Variants in DCDC2C observed in about 807,000 individuals in gnomAD.
DCDC2C encodes the protein doublecortin domain-containing protein 2C.
Under a neutral mutation model 45.0 loss-of-function variants are expected in DCDC2C, and 44 were observed. That is an observed-to-expected ratio of 0.98 (90% confidence interval 0.77 to 1.26). DCDC2C has a LOEUF of 1.26. Ranked by LOEUF, DCDC2C falls within the 50% of genes most tolerant of loss-of-function variation. The pLI is 0.00. For synonymous variants in DCDC2C, 187 were observed against 178.8 expected, an observed-to-expected ratio of 1.05 and a Z score of -0.37; for missense variants, 447 against 468.9, an observed-to-expected ratio of 0.95 and a Z score of 0.43.
At chr2:3,759,791 G>T (rs150418589) in intron 6 of DCDC2C, among the ~76,000 whole-genome samples, 2 of 152,222 alleles carry the variant, frequency 1.3e-5, no homozygotes, top group African/African-American at 4.8e-5. Context: ...ATCTGCTTCC[G>T]TGTTTGTCTG....
At chr2:3,809,382 CTATT>C (rs1004086093) in intron 10 of DCDC2C, among the ~76,000 whole-genome samples, 4 of 152,132 alleles carry the variant, frequency 2.6e-5, no homozygotes, top group African/African-American at 7.2e-5. Context: ...TTCTATCTCT[CTATT>C]TATTCATGTC....
chr2:3,803,288 C>T (rs1671155353), intron 10 of DCDC2C, among the ~76,000 whole-genome samples: 1 of 152,130 alleles, frequency 6.6e-6, no homozygotes, highest in Admixed American at 6.5e-5. Context: ...TTGTATACTG[C>T]TTGTCCATCT....
intron 10 of DCDC2C, among the ~76,000 whole-genome samples, chr2:3,802,613 A>G (rs1671140789): frequency 1.3e-5 from 2 of 152,074 alleles, no homozygotes; most frequent in African/African-American, 4.8e-5. Context: ...TTAATAGATG[A>G]TGGCTTCTTC....
At chr2:3,795,799 C>T (rs202192272) in intron 10 of DCDC2C, among the ~76,000 whole-genome samples, 81 of 135,126 alleles carry the variant, frequency 6.0e-4, no homozygotes, top group East Asian at 1.4e-3. Flanking sequence ...AGTCAGGTAG[C>T]GTGATGCCTC....
At chr2:3,843,532 C>T (rs987753900) in intron 10 of DCDC2C, among the ~76,000 whole-genome samples, 3 of 152,134 alleles carry the variant, frequency 2.0e-5, no homozygotes, top group Non-Finnish European at 4.4e-5. Flanking sequence ...TGCCAAATGG[C>T]ATTCATCCCC....
chr2:3,827,938 G>A (rs1244617075), intron 10 of DCDC2C, among the ~76,000 whole-genome samples: 1 of 152,102 alleles, frequency 6.6e-6, no homozygotes, highest in Non-Finnish European at 1.5e-5. Context: ...TTTAACTGAA[G>A]GATGCTCTTC....
chr2:3,831,268 A>G (rs919536139), intron 10 of DCDC2C, among the ~76,000 whole-genome samples: 3 of 152,336 alleles, frequency 2.0e-5, no homozygotes, highest in Admixed American at 6.5e-5. Context: ...GCATTGCTCA[A>G]TGATGGGGTG....
At chr2:3,771,380 G>T (rs1203114805) in intron 8 of DCDC2C, among the ~76,000 whole-genome samples, 2 of 152,232 alleles carry the variant, frequency 1.3e-5, no homozygotes, top group African/African-American at 4.8e-5. Context: ...AAGGCATGAA[G>T]CTCAGGCCAT....
intron 10 of DCDC2C, among the ~76,000 whole-genome samples, chr2:3,843,838 T>C (rs1672268899): frequency 1.3e-5 from 2 of 152,350 alleles, no homozygotes; most frequent in South Asian, 2.1e-4. Flanking sequence ...CCTTTGATTC[T>C]AGCTTCTCTG....
intron 1 of DCDC2C, among the ~76,000 whole-genome samples, 168 bp from the exon 2 acceptor site, chr2:3,708,381 A>G (rs1668122981): frequency 6.6e-6 from 1 of 152,108 alleles, no homozygotes; most frequent in African/African-American, 2.4e-5. Context: ...CAGCATTGCT[A>G]TTGTATTCTG....
intron 6 of DCDC2C, among the ~76,000 whole-genome samples, chr2:3,757,160 T>G (rs1669743976): frequency 1.3e-5 from 2 of 152,264 alleles, no homozygotes; most frequent in African/African-American, 4.8e-5. Flanking sequence ...TATGATGATT[T>G]GCAGCAACTT....
intron 2 of DCDC2C, among the ~76,000 whole-genome samples, chr2:3,713,238 C>T (rs1016621183): frequency 6.6e-6 from 1 of 152,208 alleles, no homozygotes; most frequent in Non-Finnish European, 1.5e-5. Flanking sequence ...GATAGATGTT[C>T]AAGCCCTTAC....
At position 3,734,858 on chromosome 2, in the gene DCDC2C, A is replaced by G. The variant is rs546634929; in HGVS notation, c.417-7062A>G. On this transcript the variant is annotated intron_variant, in intron 3 of 10. Coordinates refer to ENST00000399143, the MANE Select transcript of DCDC2C (RefSeq NM_001287444.2). This position sits in a 1 kb window ranked among gnomAD's most constrained non-coding sequence, Gnocchi z 4.2. Reference sequence around the variant, plus strand: ...GGAAGTTCAAGGTGGGGGTGAAAGTACAGAGCCCTTCAGGTTCATGAAAGT... The same window carrying G: ...GGAAGTTCAAGGTGGGGGTGAAAGTGCAGAGCCCTTCAGGTTCATGAAAGT... 5.9e-5 allele frequency among the ~76,000 whole-genome samples: 9 copies of G among 152,298 alleles called. No individual in the cohort carries two copies. The highest frequency in any genetic ancestry group is 2.2e-4 in the African/African-American group (9 of 41,560).
chr2:3,845,582 A>AGGG (rs1672306351), intron 10 of DCDC2C, among the ~76,000 whole-genome samples: 1 of 152,234 alleles, frequency 6.6e-6, no homozygotes, highest in African/African-American at 2.4e-5. Flanking sequence ...TAACACTTTA[A>AGGG]GGGGGACATT....
chr2:3,784,909 C>A, intron 9 of DCDC2C, 150 bp from the exon 10 acceptor site: 1 of 458,708 alleles, frequency 2.2e-6, no homozygotes, highest in Non-Finnish European at 3.5e-6. Flanking sequence ...GAGGATGAGG[C>A]TTGAGGCTTT....
At chr2:3,720,644 G>T (rs1026483026) in intron 2 of DCDC2C, among the ~76,000 whole-genome samples, 1 of 152,212 alleles carries the variant, frequency 6.6e-6, no homozygotes, top group East Asian at 1.9e-4. Context: ...CATTCTCTAT[G>T]TCTGCTGAGA....
intron 10 of DCDC2C, among the ~76,000 whole-genome samples, chr2:3,837,621 G>GGTACAGTATC (rs1672113446): frequency 9.7e-6 from 1 of 103,138 alleles, no homozygotes; most frequent in Non-Finnish European, 2.3e-5. Flanking sequence ...AGAAACTGAG[G>GGTACAGTATC]AAGAAATCAG....
intron 8 of DCDC2C, among the ~76,000 whole-genome samples, chr2:3,769,776 G>A (rs951481556): frequency 1.6e-4 from 24 of 152,208 alleles, no homozygotes; most frequent in African/African-American, 5.8e-4. Flanking sequence ...TTCCCGGCAT[G>A]GAGGAGGCCT....
At chr2:3,735,015 G>A (rs1227153242) in intron 3 of DCDC2C, among the ~76,000 whole-genome samples, 2 of 152,076 alleles carry the variant, frequency 1.3e-5, no homozygotes, top group African/African-American at 2.4e-5. Context: ...CCACTTTCTC[G>A]CTCCCAATTG....
Sources: gnomAD v4.1 joint callset for allele counts (sites outside exome capture counted in the v4.1 genomes callset) on GRCh38, gnomAD v4.1.1 for gene constraint, Gnocchi (gnomAD v3.1) non-coding constraint, MANE v1.5 for transcripts, NCBI Gene and HGNC (gene_info 2026-07-23, HGNC 2026-07-21) for gene names.